Variants in ARRDC2 observed in about 807,000 individuals in gnomAD.
ARRDC2 encodes arrestin domain containing 2.
ARRDC2 carries 39 observed loss-of-function variants against 38.9 expected under a neutral mutation model. The ratio of observed to expected loss-of-function variants is 1.00; its 90% confidence interval spans 0.78 to 1.31. ARRDC2 has a LOEUF of 1.31. ARRDC2 is among the 50% of genes most tolerant of loss of function. ARRDC2 has a pLI of 0.00. For synonymous variants in ARRDC2, 300 were observed against 261.9 expected (o/e 1.15, Z -1.41); for missense variants, 553 against 588.4 (o/e 0.94, Z 0.62).
chr19:18,008,046 G>C, upstream of ARRDC2: 7 of 1,003,176 alleles, frequency 7.0e-6, no homozygotes, highest in East Asian at 3.5e-5. Context: ...TTTGCTCCAC[G>C]CCTGGGCAGA....
chr19:18,011,122 C>G (rs576620995), intron 7 of ARRDC2, among the ~76,000 whole-genome samples: 2 of 152,228 alleles, frequency 1.3e-5, no homozygotes, highest in Admixed American at 1.3e-4. Context: ...CTCAGCCTTC[C>G]GAGTAGCTGG....
rs965083425 is a variant in ARRDC2 at position 18,013,800 on chromosome 19, C to G, written c.*834C>G. On this transcript the variant is annotated 3_prime_UTR_variant, in exon 8 of 8. Coordinates refer to ENST00000222250, the MANE Select transcript of ARRDC2 (RefSeq NM_015683.2). ...CAGGCAAGACCAGATACCCAATGTG[C>G]AAAGTGAAAACACTGGGCTCCCTGT... The G allele has an allele frequency of 6.6e-6, 1 of 152,210 alleles. No homozygotes were observed. Among genetic ancestry groups the G allele is most frequent in the Non-Finnish European group, 1.5e-5 (1 of 68,060 alleles). 9.4% of individuals were successfully genotyped at this position (152,210 alleles called of 1,614,324 possible). A position where few individuals can be genotyped will look rare whatever the true frequency, so the allele number is the denominator to read the frequency against.
upstream of ARRDC2, among the ~76,000 whole-genome samples, chr19:18,004,874 C>T (rs561628931): frequency 2.1e-4 from 32 of 150,998 alleles, no homozygotes; most frequent in South Asian, 6.7e-3. Context: ...GTGGTACACA[C>T]CTGTAATCCC....
In ARRDC2 at chr19:18,009,946, G is replaced by A. The variant is rs1241243661; in HGVS notation, c.756G>A (p.Gln252=). The A allele has an allele frequency of 5.0e-6, 8 of 1,605,320 alleles. No individual in the cohort carries two copies. In the East Asian group the frequency reaches 1.8e-4, roughly 36 times the overall value. ...SLAGEPVGPG[Q]RALWQGRALR... is the part of the protein sequence containing the mutation. The stretch of plus-strand genomic sequence containing the variant: ...CGGGCGAGCCGGTGGGCCCCGGGCA[G>A]CGGGCGCTGTGGCAGGGCCGGGCAC... The change falls in exon 5 of 8, where the codon CAG becomes CAA. Residue 252 remains glutamine, a synonymous_variant. Coordinates refer to ENST00000222250, the MANE Select transcript of ARRDC2 (RefSeq NM_015683.2).
rs774455304 is a variant in ARRDC2 at position 18,010,029 on chromosome 19, A to G, written c.839A>G (p.Tyr280Cys). 5 of 1,602,958 alleles carry G rather than the reference A, an allele frequency of 3.1e-6. No homozygotes were observed. In the Admixed American group the frequency reaches 5.0e-5, roughly 16 times the overall value. ...ILHCRVLHVDYALKVCVDIPG... is the reference protein window; with the variant it reads ...ILHCRVLHVDCALKVCVDIPG... The stretch of plus-strand genomic sequence containing the variant: ...CACTGCCGCGTTCTACACGTGGACT[A>G]CGCACTCAAGGTAGGGCATCCTGCT... The change falls in exon 5 of 8, where the codon TAC becomes TGC. Residue 280 changes from tyrosine (Y) to cysteine (C), a missense_variant. Coordinates refer to ENST00000222250, the MANE Select transcript of ARRDC2 (RefSeq NM_015683.2).
In ARRDC2 at chr19:18,010,709, C is replaced by T. The variant is rs200752029; in HGVS notation, c.1150C>T (p.Pro384Ser). 15 of 1,613,738 alleles carry T rather than the reference C, an allele frequency of 9.3e-6. No homozygotes were observed. Among genetic ancestry groups the T allele is most frequent in the Non-Finnish European group, 1.1e-5 (13 of 1,180,044 alleles). Reference sequence around the variant, plus strand: ...CTACATCCAAGAGTTCCGCTACCGCCCGCCACCCCTGTACTCTGAGGTGAG... The same window carrying T: ...CTACATCCAAGAGTTCCGCTACCGCTCGCCACCCCTGTACTCTGAGGTGAG... The part of the protein sequence containing the change: ...FAYIQEFRYR[P>S]PPLYSEEDPN... The change falls in exon 7 of 8, where the codon CCG becomes TCG. Residue 384 changes from proline to serine, a missense_variant. By Grantham distance (74) the Pro-to-Ser change is moderately conservative. Transcript: ENST00000222250.
chr19:18,008,116 A>AGCCCCCCCCCC, upstream of ARRDC2: 2 of 522,500 alleles, frequency 3.8e-6, no homozygotes, highest in Non-Finnish European at 5.8e-6. Context: ...AGAGACGGTG[A>AGCCCCCCCCCC]CCCCACCCCC....
At chr19:18,008,121 AC>A (rs149842719), upstream of ARRDC2, 20,581 of 369,138 alleles carry the variant, frequency 0.056, 494 homozygotes, top group African/African-American at 0.23. Flanking sequence ...CGGTGACCCC[AC>A]CCCCCCCCGC....
At chr19:18,007,889 G>A, upstream of ARRDC2, 1 of 282,152 alleles carries the variant, frequency 3.5e-6, no homozygotes, top group Non-Finnish European at 6.8e-6. Flanking sequence ...GGTGACCTCA[G>A]GCCTGGGCCC....
rs1260030892 is a variant in ARRDC2 at position 18,008,711 on chromosome 19, A to G, written c.275A>G (p.Asp92Gly). 1 of 1,612,918 alleles carries G rather than the reference A, an allele frequency of 6.2e-7. No homozygotes were observed. The highest frequency in any genetic ancestry group is 1.7e-5 in the Admixed American group (1 of 59,976). Residue 92 changes from aspartate to glycine, a missense_variant and splice_region_variant, in exon 2 of 8, where the codon GAT (aspartate) becomes GGT (glycine). Asp to Gly is a moderately conservative substitution (Grantham distance 94, BLOSUM62 -1). Around this residue, in one of 3 missense-constraint regions of ARRDC2, gnomAD observed 447 missense variants for 456.6 expected, o/e 0.98. Transcript: ENST00000222250. ...CGCCTCCTTTTTCTCCTACCTGCAG[A>G]TACCGGGGAGACCACGACGCTGCCT... ...VSHRATLLAP[D>G]TGETTTLPPG...
At chr19:18,006,294 G>A (rs536235758), upstream of ARRDC2, among the ~76,000 whole-genome samples, 29 of 152,260 alleles carry the variant, frequency 1.9e-4, no homozygotes, top group East Asian at 4.8e-3. Flanking sequence ...GGTGGAGGTT[G>A]TAGCGAGCCG....
chr19:18,013,216 A>G lies in ARRDC2; in HGVS notation c.*250A>G, dbSNP rs1906285807. On this transcript the variant is annotated 3_prime_UTR_variant, in exon 8 of 8. Coordinates refer to ENST00000222250, the MANE Select transcript of ARRDC2 (RefSeq NM_015683.2). ...AGTGCAGTATCCGAGAGACTGTTTA[A>G]TAACCTGTCTTCCCAGCCAATTGGT... The G allele has an allele frequency of 6.2e-6, 3 of 487,726 alleles. No homozygotes were observed. The South Asian group carries it at 8.3e-5, about 14-fold the overall frequency. 30.2% of individuals were successfully genotyped at this position (487,726 alleles called of 1,614,324 possible).
chr19:18,004,827 C>T (rs1468915584), upstream of ARRDC2, among the ~76,000 whole-genome samples: 3 of 151,538 alleles, frequency 2.0e-5, no homozygotes, highest in Admixed American at 6.6e-5. Flanking sequence ...TGGTGAAACC[C>T]CATCTTTACA....
chr19:18,008,391 C>G lies in ARRDC2; in HGVS notation c.81C>G (p.Gly27=), dbSNP rs954993144. Residue 27 remains glycine (G), a synonymous_variant, in exon 1 of 8, where the codon GGC becomes GGG. Coordinates refer to ENST00000222250, the MANE Select transcript of ARRDC2 (RefSeq NM_015683.2). ...TAGVEPVFSG[G]QAVAGRVLLE... ...GCGTCGAGCCCGTGTTTAGCGGCGG[C>G]CAGGCCGTGGCGGGCCGGGTGCTGC... is the stretch of plus-strand genomic sequence containing the variant. The G allele has an allele frequency of 6.3e-7, 1 of 1,595,340 alleles. No individual in the cohort carries two copies. The highest frequency in any genetic ancestry group is 8.5e-7 in the Non-Finnish European group (1 of 1,178,370).
At chr19:18,009,746 G>T in intron 4 of ARRDC2, 37 bp from the exon 5 acceptor site, 1 of 1,612,862 alleles carries the variant, frequency 6.2e-7, no homozygotes, top group Non-Finnish European at 8.5e-7. Context: ...TGGGGTTGCA[G>T]GAGGGGAAAC....
chr19:18,010,907 C>A (rs1245572556), intron 7 of ARRDC2, among the ~76,000 whole-genome samples, 178 bp downstream of exon 7: 1 of 152,130 alleles, frequency 6.6e-6, no homozygotes, highest in African/African-American at 2.4e-5. Context: ...CTCGACCTCC[C>A]GGGCTCAAGC....
At position 18,012,911 on chromosome 19, in the gene ARRDC2, A is replaced by C. The variant is rs566359277; in HGVS notation, c.1171-2A>C. ...GAGGCTTAATGGGAACATTTCTCTT[A>C]GGAGGATCCAAACCCACTCTTGGGG... On this transcript the variant is annotated splice_acceptor_variant, in intron 7 of 7. Transcript: ENST00000222250. LOFTEE classifies it high-confidence loss of function. 2.5e-6 allele frequency: 4 copies of C among 1,613,660 alleles called. No homozygotes were observed. The highest frequency in any genetic ancestry group is 2.7e-5 in the African/African-American group (2 of 74,996).
chr19:18,003,333 C>T (rs2033213657), upstream of ARRDC2, among the ~76,000 whole-genome samples: 1 of 152,130 alleles, frequency 6.6e-6, no homozygotes, highest in Admixed American at 6.6e-5. Flanking sequence ...GTGGCACGAT[C>T]TCGGCTCACT....
chr19:18,010,114 G>A lies in ARRDC2; in HGVS notation c.849+75G>A, dbSNP rs1266284971. ...TTCCCTCAGACTGGGGGAAGCTGAG[G>A]CCTCAGTCTCCCCAGGCATAGGAGG... On this transcript the variant is annotated intron_variant, in intron 5 of 7. Coordinates refer to ENST00000222250, the MANE Select transcript of ARRDC2 (RefSeq NM_015683.2). 4 of 1,604,848 alleles carry A rather than the reference G, an allele frequency of 2.5e-6. No homozygotes were observed. In the East Asian group the frequency reaches 8.9e-5, roughly 36 times the overall value.
Sources: allele counts gnomAD v4.1 joint callset (sites outside exome capture counted in the v4.1 genomes callset), GRCh38; gene constraint gnomAD v4.1.1; regional missense constraint gnomAD v4.1.1; transcripts MANE v1.5; gene names NCBI Gene and HGNC (gene_info 2026-07-23, HGNC 2026-07-21).